The following MSRA variants were observed in gnomAD, a reference collection of about 807,000 sequenced individuals.
MSRA encodes mitochondrial peptide methionine sulfoxide reductase.
A neutral mutation model predicts 31.3 loss-of-function variants in MSRA; 54 were observed. The ratio of observed to expected loss-of-function variants is 1.73; its 90% CI spans 1.39 to 2.17. The LOEUF (loss-of-function observed/expected upper bound fraction) is 2.17, where lower values mean the gene tolerates loss of function less well. MSRA is among the 30% of genes most tolerant of loss of function. The probability of loss-of-function intolerance (pLI) is 0.00; values close to 1 mark genes in which losing one functional copy is unlikely to be tolerated. For synonymous variants in MSRA, 169 were observed against 116.5 expected (o/e 1.45, Z -2.90); for missense variants, 507 against 300.9 (o/e 1.69, Z -5.07).
chr8:10,241,647 C>A (rs1812424549), intron 2 of MSRA, among the ~76,000 whole-genome samples: 1 of 152,106 alleles, frequency 6.6e-6, no homozygotes, highest in Admixed American at 6.5e-5. Context: ...TTGCAACTCT[C>A]CAGGAATTAA....
intron 5 of MSRA, among the ~76,000 whole-genome samples, chr8:10,379,169 G>A (rs1805914327): frequency 6.6e-6 from 1 of 152,138 alleles, no homozygotes; most frequent in Admixed American, 6.5e-5. Flanking sequence ...AGCATTTGGT[G>A]ACTTGCCACT....
chr8:10,190,119 C>T (rs754820172), intron 1 of MSRA, among the ~76,000 whole-genome samples: 8 of 151,976 alleles, frequency 5.3e-5, no homozygotes, highest in African/African-American at 9.7e-5. Flanking sequence ...AATGTGAGCA[C>T]GACATTAAGC....
chr8:10,332,989 G>T (rs1802793627), intron 5 of MSRA, among the ~76,000 whole-genome samples: 3 of 152,166 alleles, frequency 2.0e-5, no homozygotes, highest in Non-Finnish European at 4.4e-5. Flanking sequence ...TTATTCACTT[G>T]CACTGAGTTC....
In MSRA at chr8:10,327,805, C is replaced by T. The variant is rs140777110; in HGVS notation, c.543+7816C>T. On this transcript the variant is annotated intron_variant, in intron 5 of 5. Coordinates refer to ENST00000317173, the MANE Select transcript of MSRA (RefSeq NM_012331.5). ...AAAGTTAGTCAGGCGTGGTGGTGGG[C>T]GCCTGTAGTCCCAGCTACTCATGAG... Among the ~76,000 whole-genome samples the T allele has an allele frequency of 6.6e-3, 1,011 of 152,096 alleles. 3 individuals are homozygous for T. Among genetic ancestry groups the T allele is most frequent in the Non-Finnish European group, 0.011 (724 of 67,990 alleles).
At chr8:10,055,198 C>T (rs1368376706) in intron 1 of MSRA, among the ~76,000 whole-genome samples, 3 of 152,150 alleles carry the variant, frequency 2.0e-5, no homozygotes, top group Non-Finnish European at 2.9e-5. Context: ...CCCTCGTGCC[C>T]TAGGTCGGCC....
intron 1 of MSRA, among the ~76,000 whole-genome samples, chr8:10,102,001 G>C (rs771528479): frequency 6.6e-6 from 1 of 152,126 alleles, no homozygotes; most frequent in Non-Finnish European, 1.5e-5. Flanking sequence ...GAAATCTGCT[G>C]TCATTTGAAT....
At position 10,224,768 on chromosome 8, in the gene MSRA, A is replaced by G. The variant is rs568365501; in HGVS notation, c.211+16867A>G. Among the ~76,000 whole-genome samples, 27 of 152,352 alleles carry G rather than the reference A, an allele frequency of 1.8e-4. 1 individual carries two copies. In the South Asian group the frequency reaches 5.6e-3, roughly 32 times the overall value. ...TTCCTTTGCTGGGGAAATCTTGGTC[A>G]CTAGAAAGATTCCTGCACTCCTTAG... is the stretch of plus-strand genomic sequence containing the variant. On this transcript the variant is annotated intron_variant, in intron 2 of 5. Transcript: ENST00000317173.
intron 1 of MSRA, among the ~76,000 whole-genome samples, chr8:10,191,352 C>A (rs956899822): frequency 9.9e-5 from 15 of 152,200 alleles, no homozygotes; most frequent in South Asian, 4.2e-4. Context: ...TGCAGTTAGG[C>A]CTTTGGCATT....
intron 3 of MSRA, among the ~76,000 whole-genome samples, chr8:10,262,704 G>A (rs566092203): frequency 5.3e-5 from 8 of 152,250 alleles, no homozygotes; most frequent in Admixed American, 4.6e-4. Flanking sequence ...CATTATTTGT[G>A]AACTGTGTGG....
At chr8:10,102,775 C>T (rs1197661094) in intron 1 of MSRA, among the ~76,000 whole-genome samples, 2 of 152,192 alleles carry the variant, frequency 1.3e-5, no homozygotes, top group African/African-American at 4.8e-5. Context: ...GGGGCACTCC[C>T]TCATTTCTGT....
intron 3 of MSRA, among the ~76,000 whole-genome samples, chr8:10,274,106 A>T (rs944558254): frequency 9.9e-5 from 15 of 152,164 alleles, no homozygotes; most frequent in African/African-American, 3.6e-4. Flanking sequence ...CAAAGGACGC[A>T]ATTTACAAGG....
intron 1 of MSRA, among the ~76,000 whole-genome samples, chr8:10,138,618 G>A (rs1352918002): frequency 6.6e-6 from 1 of 152,110 alleles, no homozygotes; most frequent in African/African-American, 2.4e-5. Flanking sequence ...TTTTCCCATG[G>A]GACTAAATTA....
intron 1 of MSRA, chr8:10,095,455 C>T (rs960266822): frequency 5.4e-5 from 53 of 984,944 alleles, no homozygotes; most frequent in African/African-American, 3.8e-4. Flanking sequence ...TTAATTGATC[C>T]GCAAAGGACA....
intron 1 of MSRA, among the ~76,000 whole-genome samples, chr8:10,206,484 G>A (rs1808987710): frequency 6.6e-6 from 1 of 152,166 alleles, no homozygotes; most frequent in African/African-American, 2.4e-5. Context: ...ATCCCTAAGG[G>A]CTACAGGCAG....
At chr8:10,246,543 T>C (rs142133696) in intron 3 of MSRA, among the ~76,000 whole-genome samples, 53 of 152,326 alleles carry the variant, frequency 3.5e-4, no homozygotes, top group Middle Eastern at 3.4e-3. Context: ...AATAAAGTCT[T>C]AAATAAGTGT....
intron 1 of MSRA, among the ~76,000 whole-genome samples, chr8:10,068,585 C>A (rs576855654): frequency 6.6e-6 from 1 of 152,244 alleles, no homozygotes; most frequent in African/African-American, 2.4e-5. Flanking sequence ...ATCGTATTGC[C>A]TTTGCTCATT....
At chr8:10,341,028 G>C (rs1311769709) in intron 5 of MSRA, among the ~76,000 whole-genome samples, 2 of 152,220 alleles carry the variant, frequency 1.3e-5, no homozygotes, top group African/African-American at 4.8e-5. Context: ...TAGATGCCAA[G>C]TGAGAGGTTG....
At chr8:10,084,858 A>G (rs905061256) in intron 1 of MSRA, among the ~76,000 whole-genome samples, 1 of 151,736 alleles carries the variant, frequency 6.6e-6, no homozygotes, top group East Asian at 1.9e-4. Context: ...TTTAATAGAA[A>G]TAAGTCTCGA....
chr8:10,258,089 T>C (rs767930221), intron 3 of MSRA, among the ~76,000 whole-genome samples: 5 of 152,084 alleles, frequency 3.3e-5, no homozygotes, highest in African/African-American at 9.7e-5. Flanking sequence ...AGCTGGGGGA[T>C]AGGGAGGGGG....
Sources: gnomAD v4.1 joint callset for allele counts (sites outside exome capture counted in the v4.1 genomes callset) on GRCh38, gnomAD v4.1.1 for gene constraint, MANE v1.5 for transcripts, NCBI Gene and HGNC (gene_info 2026-07-23, HGNC 2026-07-21) for gene names.